The following FARS2 variants were observed in gnomAD, a reference collection of about 807,000 sequenced individuals.
FARS2 encodes phenylalanine--tRNA ligase, mitochondrial.
In FARS2, 40 loss-of-function variants were observed where a neutral mutation model predicts 46.4. The observed-to-expected ratio is 0.86, with a 90% CI of 0.67 to 1.12. FARS2 has a LOEUF of 1.12. FARS2 is among the 50% of genes most tolerant of loss of function. The pLI, the probability that FARS2 is intolerant of heterozygous loss-of-function variation, is 0.00. For missense variants in FARS2, 513 were observed against 567.9 expected (o/e 0.90, Z 0.98); for synonymous variants, 234 against 214.9 (o/e 1.09, Z -0.78).
intron 6 of FARS2, among the ~76,000 whole-genome samples, chr6:5,672,333 G>A (rs1778517008): frequency 6.6e-6 from 1 of 152,154 alleles, no homozygotes; most frequent in South Asian, 2.1e-4. Flanking sequence ...TGGCCGTTCA[G>A]TCCCACCGTG....
At chr6:5,317,359 A>T (rs1021274266) in intron 1 of FARS2, among the ~76,000 whole-genome samples, 1 of 152,206 alleles carries the variant, frequency 6.6e-6, no homozygotes, top group Non-Finnish European at 1.5e-5. Flanking sequence ...GTGGTTTTTG[A>T]ATTATCAGAG....
In FARS2 at chr6:5,717,475, A is replaced by G. The variant is rs140425317; in HGVS notation, c.1218-53816A>G. ...GGTTGTTGGCCCTGTGCAGTTTCCC[A>G]TGTTTGGAATTTTGCCAGTTGTATC... On this transcript the variant is annotated intron_variant, in intron 6 of 6. Coordinates refer to ENST00000274680, the MANE Select transcript of FARS2 (RefSeq NM_006567.5). Among the ~76,000 whole-genome samples, 983 of 151,468 alleles carry G rather than the reference A, an allele frequency of 6.5e-3. 16 individuals are homozygous for G. The highest frequency in any genetic ancestry group is 0.023 in the African/African-American group (938 of 41,228).
At chr6:5,336,851 T>C (rs754097674) in intron 1 of FARS2, among the ~76,000 whole-genome samples, 4 of 152,198 alleles carry the variant, frequency 2.6e-5, no homozygotes, top group African/African-American at 9.6e-5. Flanking sequence ...TTTTGATGTT[T>C]GTAAACATCA....
chr6:5,547,267 T>A (rs981666459), intron 5 of FARS2, among the ~76,000 whole-genome samples: 1 of 152,214 alleles, frequency 6.6e-6, no homozygotes, highest in Non-Finnish European at 1.5e-5. Flanking sequence ...ATGGTTATTT[T>A]AAAGTACTTG....
At chr6:5,313,278 C>T (rs1769217698) in intron 1 of FARS2, among the ~76,000 whole-genome samples, 1 of 152,206 alleles carries the variant, frequency 6.6e-6, no homozygotes, top group Non-Finnish European at 1.5e-5. Context: ...TGTCTGTCTG[C>T]TGAGGGCTGT....
At chr6:5,597,110 G>A (rs1349585485) in intron 5 of FARS2, among the ~76,000 whole-genome samples, 1 of 152,184 alleles carries the variant, frequency 6.6e-6, no homozygotes, top group Admixed American at 6.5e-5. Context: ...TGCCCTGGAC[G>A]GAAAGCAGCT....
chr6:5,757,167 C>CT lies in FARS2; in HGVS notation c.1218-14113dup, dbSNP rs34636460. ...TGCCCCAGAAATGTAAGCCTGACAT[C>CT]TTTTTTTTTTTCTTTTGAAGTAAGA... On this transcript the variant is annotated intron_variant, in intron 6 of 6. Coordinates refer to ENST00000274680, the MANE Select transcript of FARS2 (RefSeq NM_006567.5). 9.0e-4 allele frequency among the ~76,000 whole-genome samples: 134 copies of CT among 148,832 alleles called. No individual in the cohort carries two copies. In the East Asian group the frequency reaches 0.018, roughly 20 times the overall value.
chr6:5,511,851 C>T (rs6935992), intron 4 of FARS2, among the ~76,000 whole-genome samples: 20,946 of 152,144 alleles, frequency 0.14, 1,508 homozygotes, highest in East Asian at 0.23. Context: ...CTAAATAGAA[C>T]AGGGACAGGT....
At chr6:5,605,945 C>G (rs146041544) in intron 5 of FARS2, among the ~76,000 whole-genome samples, 9 of 152,236 alleles carry the variant, frequency 5.9e-5, no homozygotes, top group African/African-American at 1.9e-4. Context: ...CTACTAGACT[C>G]AGTTGACAGG....
intron 3 of FARS2, among the ~76,000 whole-genome samples, chr6:5,409,712 C>G (rs1315929984): frequency 1.3e-5 from 2 of 152,206 alleles, no homozygotes; most frequent in Non-Finnish European, 2.9e-5. Flanking sequence ...GCATCAGAAT[C>G]TATCTGGGAA....
intron 6 of FARS2, among the ~76,000 whole-genome samples, chr6:5,741,370 T>C (rs139997838): frequency 3.7e-4 from 56 of 152,328 alleles, no homozygotes; most frequent in African/African-American, 9.6e-4. Flanking sequence ...TCGCCTATGA[T>C]GCCGTGTCTT....
In FARS2 at chr6:5,515,054, G is replaced by A. The variant is rs539715211; in HGVS notation, c.905-30126G>A. The stretch of plus-strand genomic sequence containing the variant: ...GCCTCCTGAGTAACTGGGATTACAC[G>A]GACAAGCCTTCAAGCGAAACTCCAT... On this transcript the variant is annotated intron_variant, in intron 4 of 6. Coordinates refer to ENST00000274680, the MANE Select transcript of FARS2 (RefSeq NM_006567.5). Among the ~76,000 whole-genome samples, 141 of 151,894 alleles carry A rather than the reference G, an allele frequency of 9.3e-4. 1 individual carries two copies. The highest frequency in any genetic ancestry group is 3.0e-3 in the African/African-American group (125 of 41,416).
chr6:5,510,129 T>G (rs72817755), intron 4 of FARS2, among the ~76,000 whole-genome samples: 2,537 of 152,174 alleles, frequency 0.017, 27 homozygotes, highest in East Asian at 0.03. Flanking sequence ...TGTTTGTTTG[T>G]TTGGTTGGTT....
At chr6:5,738,358 A>T (rs1013043287) in intron 6 of FARS2, among the ~76,000 whole-genome samples, 1 of 152,252 alleles carries the variant, frequency 6.6e-6, no homozygotes, top group East Asian at 1.9e-4. Flanking sequence ...ATGTTGCTGT[A>T]CTGCAAACAG....
intron 6 of FARS2, among the ~76,000 whole-genome samples, chr6:5,751,990 A>G (rs1344541178): frequency 2.0e-5 from 3 of 152,106 alleles, no homozygotes; most frequent in Non-Finnish European, 4.4e-5. Context: ...GTGTCCTGGG[A>G]TGCGTCATGT....
intron 4 of FARS2, among the ~76,000 whole-genome samples, chr6:5,500,579 AC>A (rs1461726350): frequency 1.3e-5 from 2 of 152,166 alleles, no homozygotes; most frequent in Non-Finnish European, 2.9e-5. Context: ...GAGCAGGTAA[AC>A]TGCAGGCCTG....
chr6:5,413,504 G>T (rs1184490508), intron 3 of FARS2, among the ~76,000 whole-genome samples: 1 of 152,082 alleles, frequency 6.6e-6, no homozygotes, highest in East Asian at 1.9e-4. Context: ...AGAGAGGGAA[G>T]ATTCTCCTTC....
At chr6:5,286,078 A>G (rs1182418336) in intron 1 of FARS2, among the ~76,000 whole-genome samples, 4 of 152,090 alleles carry the variant, frequency 2.6e-5, no homozygotes, top group Admixed American at 6.6e-5. Context: ...TTTTTCGCTC[A>G]TCTTCTAAAT....
At chr6:5,745,884 C>A (rs1292622794) in intron 6 of FARS2, among the ~76,000 whole-genome samples, 2 of 152,124 alleles carry the variant, frequency 1.3e-5, no homozygotes, top group Admixed American at 6.5e-5. Context: ...GGGGAGCCCT[C>A]TGTGACCCTG....
Sources: gnomAD v4.1 joint callset for allele counts (sites outside exome capture counted in the v4.1 genomes callset) on GRCh38, gnomAD v4.1.1 for gene constraint, MANE v1.5 for transcripts, NCBI Gene and HGNC (gene_info 2026-07-23, HGNC 2026-07-21) for gene names.